RAB11FIP1: variants seen among roughly 807,000 people sequenced by gnomAD.
RAB11FIP1 encodes the protein RAB11 family interacting protein 1.
A neutral mutation model predicts 83.1 loss-of-function variants in RAB11FIP1; 49 were observed. The ratio of observed to expected loss-of-function variants is 0.59; its 90% CI spans 0.47 to 0.75. The LOEUF is 0.75. RAB11FIP1 is among the 30% of genes least tolerant of loss of function. RAB11FIP1 has a pLI of 0.00. For missense variants in RAB11FIP1, 1,536 were observed against 1,598.7 expected (o/e 0.96, Z 0.67); for synonymous variants, 670 against 656.0 (o/e 1.02, Z -0.33).
intron 5 of RAB11FIP1, among the ~76,000 whole-genome samples, chr8:37,864,030 A>G (rs899150104): frequency 6.6e-5 from 10 of 152,236 alleles, no homozygotes; most frequent in African/African-American, 2.4e-4. Context: ...AGAAGGACTC[A>G]ATGAGCAGGT....
At chr8:37,863,749 C>T (rs1197635130) in intron 5 of RAB11FIP1, among the ~76,000 whole-genome samples, 1 of 152,194 alleles carries the variant, frequency 6.6e-6, no homozygotes, top group South Asian at 2.1e-4. Context: ...ACTTGCCTCA[C>T]AGGTCGAGGA....
chr8:37,871,565 T>C lies in RAB11FIP1; in HGVS notation c.3237A>G (p.Gly1079=). 1 of 1,598,968 alleles carries C rather than the reference T, an allele frequency of 6.3e-7. No homozygotes were observed. Among genetic ancestry groups the C allele is most frequent in the Non-Finnish European group, 8.5e-7 (1 of 1,170,626 alleles). The change falls in exon 4 of 6, where the codon GGA becomes GGG. Residue 1079 remains glycine (G), a synonymous_variant. Coordinates refer to ENST00000330843, the MANE Select transcript of RAB11FIP1 (RefSeq NM_001002814.3). ...CAGGAGGCGGGCTTGGACTCCCATTTCCCATCGGTTTTTCTTCCTCACCAC... is the reference window on the plus strand; with the variant it reads ...CAGGAGGCGGGCTTGGACTCCCATTCCCCATCGGTTTTTCTTCCTCACCAC... ...PSGGEEEKPM[G]NGSPSPPPGT...
Position 37,860,371 on chromosome 8 carries a change from C to T in RAB11FIP1, c.*2524G>A, listed in dbSNP as rs969673695. The stretch of plus-strand genomic sequence containing the variant: ...TTCTTTCTTTTTTTTGAGACAGAGT[C>T]TCGCCCGTTGCCCAGGCTGGAGTGC... On this transcript the variant is annotated 3_prime_UTR_variant, in exon 6 of 6. Transcript: ENST00000330843. 4.6e-5 allele frequency: 7 copies of T among 152,390 alleles called. No homozygotes were observed. Among genetic ancestry groups the T allele is most frequent in the African/African-American group, 1.7e-4 (7 of 41,444 alleles). The allele number at this position is 152,390 out of a possible 1,614,324, so 9.4% of individuals were successfully genotyped here.
intron 1 of RAB11FIP1, among the ~76,000 whole-genome samples, chr8:37,895,319 C>T (rs548161199): frequency 8.7e-5 from 9 of 103,640 alleles, no homozygotes; most frequent in East Asian, 3.3e-4. Flanking sequence ...TCACGTTACC[C>T]GGGCTGGTCT....
chr8:37,895,412 C>T (rs1172252715), intron 1 of RAB11FIP1, among the ~76,000 whole-genome samples: 2 of 147,656 alleles, frequency 1.4e-5, no homozygotes, highest in Non-Finnish European at 3.0e-5. Flanking sequence ...TGTCTAGCCT[C>T]CTAAAAAGGT....
intron 5 of RAB11FIP1, among the ~76,000 whole-genome samples, chr8:37,864,652 C>G: frequency 6.6e-6 from 1 of 152,182 alleles, no homozygotes; most frequent in South Asian, 2.1e-4. Context: ...GATGGCGGTA[C>G]TAACTTAGAC....
At chr8:37,892,827 C>T (rs868469630) in intron 1 of RAB11FIP1, among the ~76,000 whole-genome samples, 14 of 152,240 alleles carry the variant, frequency 9.2e-5, no homozygotes, top group African/African-American at 3.1e-4. Context: ...TACACAAGCA[C>T]GCCCCCACTT....
Position 37,862,275 on chromosome 8 carries a change from C to T in RAB11FIP1, c.*620G>A, listed in dbSNP as rs1806252920. On this transcript the variant is annotated 3_prime_UTR_variant, in exon 6 of 6. Transcript: ENST00000330843. ...GTAGAAGTCGATGTTTAGAAAAGGC[C>T]GCTTGTTCAAAATCTGAAAGGCATA... The T allele has an allele frequency of 6.6e-6, 1 of 152,320 alleles. No individual in the cohort carries two copies. The highest frequency in any genetic ancestry group is 1.5e-5 in the Non-Finnish European group (1 of 68,168). The allele number at this position is 152,320 out of a possible 1,614,324, so 9.4% of individuals were successfully genotyped here. A position where few individuals can be genotyped will look rare whatever the true frequency, so the allele number is the denominator to read the frequency against.
intron 5 of RAB11FIP1, among the ~76,000 whole-genome samples, chr8:37,863,763 C>A (rs1267976738): frequency 6.6e-6 from 1 of 152,142 alleles, no homozygotes; most frequent in Non-Finnish European, 1.5e-5. Context: ...TCGAGGACCT[C>A]TGGACTTGAC....
chr8:37,897,731 C>T (rs1807117918), intron 1 of RAB11FIP1, among the ~76,000 whole-genome samples: 1 of 152,026 alleles, frequency 6.6e-6, no homozygotes, highest in African/African-American at 2.4e-5. Context: ...CGTCAAGGGC[C>T]CACCCGGGCT....
At chr8:37,869,161 G>C (rs559608627) in intron 5 of RAB11FIP1, among the ~76,000 whole-genome samples, 6 of 150,086 alleles carry the variant, frequency 4.0e-5, no homozygotes, top group African/African-American at 1.5e-4. Context: ...CCAGGAGGTC[G>C]AGGCTATGAT....
chr8:37,881,945 CAT>C lies in RAB11FIP1; in HGVS notation c.372-4396_372-4395del, dbSNP rs1349990079. On this transcript the variant is annotated intron_variant, in intron 1 of 5. Coordinates refer to ENST00000330843, the MANE Select transcript of RAB11FIP1 (RefSeq NM_001002814.3). ...ATTTATATTTTTCTCTTCTGACAGT[CAT>C]GTGGTAAATGGTAGCCTTGGTGATG... Among the ~76,000 whole-genome samples the C allele has an allele frequency of 5.3e-5, 8 of 152,268 alleles. No individual in the cohort carries two copies. The East Asian group carries it at 7.7e-4, about 15-fold the overall frequency.
intron 1 of RAB11FIP1, among the ~76,000 whole-genome samples, chr8:37,880,351 T>C (rs1585439683): frequency 6.6e-6 from 1 of 151,916 alleles, no homozygotes; most frequent in Non-Finnish European, 1.5e-5. Context: ...CAGGCTGGAG[T>C]GCAATGGCGC....
At chr8:37,877,672 A>T in intron 1 of RAB11FIP1, 121 bp from the exon 2 acceptor site, 1 of 585,788 alleles carries the variant, frequency 1.7e-6, no homozygotes. Context: ...ATGCATTCTC[A>T]TGCTTTCTCT....
chr8:37,877,809 T>C (rs376995237), intron 1 of RAB11FIP1: 6 of 325,984 alleles, frequency 1.8e-5, no homozygotes, highest in East Asian at 6.2e-5. Context: ...AGCCTCTGCC[T>C]CCTGGGTTCA....
intron 1 of RAB11FIP1, among the ~76,000 whole-genome samples, chr8:37,883,158 G>GTT (rs375717011): frequency 4.2e-5 from 6 of 141,834 alleles, no homozygotes; most frequent in Admixed American, 7.0e-5. Context: ...GAATTGTTTC[G>GTT]TTTTTTTTTT....
At position 37,860,189 on chromosome 8, in the gene RAB11FIP1, CT is replaced by C. The variant is rs1230698136; in HGVS notation, c.*2705del. 1.3e-5 allele frequency: 2 copies of C among 152,760 alleles called. No individual in the cohort carries two copies. Among genetic ancestry groups the C allele is most frequent in the Admixed American group, 1.3e-4 (2 of 15,266 alleles). 9.5% of individuals were successfully genotyped at this position (152,760 alleles called of 1,614,324 possible). ...CAGCAGACATCTCCAAACCAACATC[CT>C]TGTGAACACTGCAGATCTCTACGCC... On this transcript the variant is annotated 3_prime_UTR_variant, in exon 6 of 6. Coordinates refer to ENST00000330843, the MANE Select transcript of RAB11FIP1 (RefSeq NM_001002814.3).
intron 1 of RAB11FIP1, among the ~76,000 whole-genome samples, chr8:37,886,013 A>G (rs908943178): frequency 6.6e-6 from 1 of 152,228 alleles, no homozygotes; most frequent in Non-Finnish European, 1.5e-5. Flanking sequence ...ACTGACTGGT[A>G]TGTCTCAAAA....
Position 37,871,468 on chromosome 8 carries a change from T to C in RAB11FIP1, c.3334A>G (p.Ser1112Gly). 2.5e-6 allele frequency: 4 copies of C among 1,614,000 alleles called. No homozygotes were observed. Among genetic ancestry groups the C allele is most frequent in the Non-Finnish European group, 3.4e-6 (4 of 1,179,970 alleles). ...EIFPVTHSFP[S>G]SAHSDTHHTS... ...TGGTGAGTGTCAGAATGTGCAGAGC[T>C]GGGGAAAGAGTGTGTGACAGGAAAG... Residue 1112 changes from serine (S) to glycine (G), a missense_variant, in exon 4 of 6, where the codon AGC becomes GGC. By Grantham distance (56) the Ser-to-Gly change is moderately conservative. Transcript: ENST00000330843.
Sources: allele counts gnomAD v4.1 joint callset (sites outside exome capture counted in the v4.1 genomes callset), GRCh38; gene constraint gnomAD v4.1.1; transcripts MANE v1.5; gene names NCBI Gene and HGNC (gene_info 2026-07-23, HGNC 2026-07-21).